Variants in VPS13B observed in about 807,000 individuals in gnomAD.
VPS13B encodes the protein vacuolar protein sorting 13 homolog B, also known as intermembrane lipid transfer protein VPS13B.
VPS13B carries 285 observed loss-of-function variants against 426.4 expected under a neutral mutation model. The ratio of observed to expected loss-of-function variants is 0.67; its 90% CI spans 0.61 to 0.74. The LOEUF (loss-of-function observed/expected upper bound fraction) is 0.74, where lower values mean the gene tolerates loss of function less well. Among genes scored for constraint, VPS13B ranks in the 30% least tolerant of loss-of-function variants. The pLI is 0.00. For synonymous variants in VPS13B, 1,676 were observed against 1,676.4 expected (o/e 1.00, Z 0.01); for missense variants, 4,537 against 4,782.6 (o/e 0.95, Z 1.51).
chr8:99,812,135 C>T (rs1025771567), intron 44 of VPS13B, among the ~76,000 whole-genome samples: 16 of 152,162 alleles, frequency 1.1e-4, no homozygotes, highest in Non-Finnish European at 2.1e-4. Flanking sequence ...AAATACATTT[C>T]TAAAAATGTC....
At chr8:99,166,189 C>T (rs1366633650) in intron 15 of VPS13B, among the ~76,000 whole-genome samples, 1 of 152,132 alleles carries the variant, frequency 6.6e-6, no homozygotes, top group African/African-American at 2.4e-5. Context: ...CTATGTTGGC[C>T]AGGCTGTTCT....
chr8:99,627,558 A>G (rs1349375822), intron 33 of VPS13B, among the ~76,000 whole-genome samples: 1 of 152,012 alleles, frequency 6.6e-6, no homozygotes, highest in Non-Finnish European at 1.5e-5. Context: ...TAATTTTTGT[A>G]TTTTTGGTAG....
chr8:99,413,798 G>T (rs1352680798), intron 21 of VPS13B, among the ~76,000 whole-genome samples: 1 of 152,180 alleles, frequency 6.6e-6, no homozygotes, highest in Non-Finnish European at 1.5e-5. Flanking sequence ...CTGAGAGACT[G>T]TTATGATTTC....
At chr8:99,267,055 G>A (rs112554416) in intron 17 of VPS13B, among the ~76,000 whole-genome samples, 9,937 of 152,204 alleles carry the variant, frequency 0.065, 340 homozygotes, top group South Asian at 0.1. Context: ...AAGAAGACAG[G>A]AAAATGTGGG....
intron 34 of VPS13B, among the ~76,000 whole-genome samples, chr8:99,647,070 G>T (rs1205626731): frequency 6.6e-6 from 1 of 151,860 alleles, no homozygotes. Context: ...TACCTGTGAG[G>T]TTGTTATAGA....
chr8:99,057,809 C>G (rs920653358), intron 3 of VPS13B, among the ~76,000 whole-genome samples: 13 of 152,300 alleles, frequency 8.5e-5, no homozygotes, highest in African/African-American at 2.9e-4. Flanking sequence ...CTTAACTTTA[C>G]CCATCCCTTA....
At chr8:99,861,725 G>A in intron 57 of VPS13B, 51 bp from the exon 58 acceptor site, 1 of 1,559,724 alleles carries the variant, frequency 6.4e-7, no homozygotes, top group Non-Finnish European at 8.7e-7. Context: ...CTGCCTTGGG[G>A]TCCATCATGT....
At chr8:99,081,910 CT>C (rs765694908) in intron 3 of VPS13B, among the ~76,000 whole-genome samples, 1 of 152,154 alleles carries the variant, frequency 6.6e-6, no homozygotes, top group Non-Finnish European at 1.5e-5. Context: ...TGAATAGTGC[CT>C]CAATAAACAT....
Position 99,846,993 on chromosome 8 carries a change from T to G in VPS13B, c.9943-1783T>G, listed in dbSNP as rs142202792. Among the ~76,000 whole-genome samples, 6 of 152,310 alleles carry G rather than the reference T, an allele frequency of 3.9e-5. No homozygotes were observed. The East Asian group carries it at 9.6e-4, about 24-fold the overall frequency. On this transcript the variant is annotated intron_variant, in intron 54 of 61. Transcript: ENST00000357162. The stretch of plus-strand genomic sequence containing the variant: ...GATAATTTCATATCTTTCAACCTAG[T>G]AAAGAAAAGCAATTGATTTACCTTA...
intron 3 of VPS13B, among the ~76,000 whole-genome samples, chr8:99,082,988 A>G (rs562801463): frequency 2.2e-4 from 33 of 152,244 alleles, no homozygotes; most frequent in Middle Eastern, 6.8e-3. Flanking sequence ...GTTTTTTCCA[A>G]TTCTGTGAAG....
At chr8:99,497,330 A>ACACAAAATAATATGTATATATTTATATG in intron 25 of VPS13B, among the ~76,000 whole-genome samples, 1 of 145,810 alleles carries the variant, frequency 6.9e-6, no homozygotes, top group South Asian at 2.1e-4. Flanking sequence ...ATATTTATAT[A>ACACAAAATAATATGTATATATTTATATG]CACATAAAAT....
intron 17 of VPS13B, among the ~76,000 whole-genome samples, chr8:99,214,088 G>A (rs902492424): frequency 2.0e-5 from 3 of 151,912 alleles, no homozygotes; most frequent in African/African-American, 7.3e-5. Flanking sequence ...TTTCTTATTG[G>A]ACAGGTATTA....
chr8:99,831,090 T>TTTTTTTTTTTTTTTTA (rs1465842000), intron 51 of VPS13B, among the ~76,000 whole-genome samples: 1 of 149,894 alleles, frequency 6.7e-6, no homozygotes, highest in African/African-American at 2.5e-5. Flanking sequence ...TTTTTTTTTT[T>TTTTTTTTTTTTTTTTA]GAGATAGAGT....
intron 28 of VPS13B, among the ~76,000 whole-genome samples, chr8:99,510,129 A>G (rs1821706533): frequency 6.6e-6 from 1 of 152,254 alleles, no homozygotes; most frequent in Non-Finnish European, 1.5e-5. Flanking sequence ...TATTGATAAT[A>G]GGCAAGTTCT....
At chr8:99,615,906 A>T (rs150528211) in intron 33 of VPS13B, among the ~76,000 whole-genome samples, 1,974 of 152,276 alleles carry the variant, frequency 0.013, 176 homozygotes, top group Admixed American at 0.12. Context: ...CGATGCTAGT[A>T]TATATGTATA....
chr8:99,384,066 G>A (rs1813982898), intron 19 of VPS13B, 142 bp from the exon 20 acceptor site: 1 of 734,048 alleles, frequency 1.4e-6, no homozygotes, highest in African/African-American at 1.7e-5. Context: ...AATGTATCAG[G>A]GTTTGCATTC....
chr8:99,172,832 C>T (rs1272256675), intron 16 of VPS13B, among the ~76,000 whole-genome samples: 1 of 152,056 alleles, frequency 6.6e-6, no homozygotes, highest in African/African-American at 2.4e-5. Context: ...TTATGACGTA[C>T]TTTTGGTTTA....
At chr8:99,059,458 G>A (rs1183456235) in intron 3 of VPS13B, among the ~76,000 whole-genome samples, 1 of 152,116 alleles carries the variant, frequency 6.6e-6, no homozygotes, top group East Asian at 1.9e-4. Context: ...TTACAGGCAT[G>A]AGCCACCATA....
chr8:99,587,763 C>T (rs1826381989), intron 33 of VPS13B, among the ~76,000 whole-genome samples: 1 of 151,724 alleles, frequency 6.6e-6, no homozygotes, highest in Non-Finnish European at 1.5e-5. Context: ...TTCTCCCATT[C>T]TGTAGGTTGC....
Sources: allele counts gnomAD v4.1 joint callset (sites outside exome capture counted in the v4.1 genomes callset), GRCh38; gene constraint gnomAD v4.1.1; transcripts MANE v1.5; gene names NCBI Gene and HGNC (gene_info 2026-07-23, HGNC 2026-07-21).